The following FHIP2A variants were observed in gnomAD, a reference collection of about 807,000 sequenced individuals.
The protein encoded by FHIP2A is FHF complex subunit HOOK interacting protein 2A.
A neutral mutation model predicts 93.5 loss-of-function variants in FHIP2A; 46 were observed. The observed-to-expected ratio is 0.49, with a 90% CI of 0.39 to 0.63. FHIP2A has a LOEUF of 0.63. FHIP2A is among the 20% of genes least tolerant of loss of function. FHIP2A has a pLI of 0.00. For synonymous variants in FHIP2A, 332 were observed against 326.5 expected (o/e 1.02, Z -0.18); for missense variants, 769 against 909.7 (o/e 0.85, Z 1.99).
chr10:114,871,127 T>TTA (rs1555246784), intron 16 of FHIP2A, among the ~76,000 whole-genome samples: 91 of 148,200 alleles, frequency 6.1e-4, no homozygotes, highest in African/African-American at 1.8e-3. Context: ...TATATATATA[T>TTA]TATATATATA....
chr10:114,826,164 A>C (rs1190876505), intron 1 of FHIP2A, among the ~76,000 whole-genome samples: 2 of 152,226 alleles, frequency 1.3e-5, no homozygotes, highest in Non-Finnish European at 2.9e-5. Context: ...GTCACCACGA[A>C]AGCCTGGCTC....
At chr10:114,854,137 G>A (rs1418678529) in intron 13 of FHIP2A, among the ~76,000 whole-genome samples, 1 of 138,030 alleles carries the variant, frequency 7.2e-6, no homozygotes, top group African/African-American at 2.6e-5. Context: ...AAAGACCAGG[G>A]TTTTTTTTTT....
At chr10:114,822,268 C>T (rs1592009600) in intron 1 of FHIP2A, 145 bp downstream of exon 1, 1 of 283,552 alleles carries the variant, frequency 3.5e-6, no homozygotes, top group African/African-American at 2.3e-5. Flanking sequence ...GGCGGGCGCC[C>T]TGGGCGGCCG....
At chr10:114,853,609 A>T (rs571609750) in intron 13 of FHIP2A, among the ~76,000 whole-genome samples, 9 of 152,348 alleles carry the variant, frequency 5.9e-5, no homozygotes, top group Admixed American at 3.9e-4. Flanking sequence ...TTACAAATGC[A>T]GTTACAATTG....
chr10:114,829,214 A>T (rs2083594051), intron 1 of FHIP2A, among the ~76,000 whole-genome samples: 1 of 150,954 alleles, frequency 6.6e-6, no homozygotes. Context: ...TTATTAATTG[A>T]TCATATGCTA....
rs192181333 is a variant in FHIP2A at position 114,830,184 on chromosome 10, G to A, written c.46-668G>A. Among the ~76,000 whole-genome samples the A allele has an allele frequency of 3.4e-3, 514 of 151,392 alleles. 2 individuals carry two copies. The highest frequency in any genetic ancestry group is 3.9e-3 in the Non-Finnish European group (268 of 67,948). On this transcript the variant is annotated intron_variant, in intron 1 of 16. Coordinates refer to ENST00000369248, the MANE Select transcript of FHIP2A (RefSeq NM_020940.4). Reference sequence around the variant, plus strand: ...TGCATTTCAAAGTCCTAGGTACAAAGATTCCTGGCTATTAGTAATTTCATT... The same window carrying A: ...TGCATTTCAAAGTCCTAGGTACAAAAATTCCTGGCTATTAGTAATTTCATT...
chr10:114,862,008 CAA>C lies in FHIP2A; in HGVS notation c.*471_*472del. 3.1e-6 allele frequency: 3 copies of C among 971,594 alleles called. No individual in the cohort carries two copies. The highest frequency in any genetic ancestry group is 3.7e-6 in the Non-Finnish European group (3 of 817,290). The allele number at this position is 971,594 out of a possible 1,614,324, so 60.2% of individuals were successfully genotyped here. A position where few individuals can be genotyped will look rare whatever the true frequency, so the allele number is the denominator to read the frequency against. On this transcript the variant is annotated 3_prime_UTR_variant, in exon 17 of 17. Coordinates refer to ENST00000369248, the MANE Select transcript of FHIP2A (RefSeq NM_020940.4). Reference sequence around the variant, plus strand: ...TTTTAAGGTCAGAATTCTTATCAAACAAAATATGAAAACTGTAAATGAGAAAA... The same window carrying C: ...TTTTAAGGTCAGAATTCTTATCAAACAATATGAAAACTGTAAATGAGAAAA...
chr10:114,826,800 C>T (rs2083579260), intron 1 of FHIP2A, among the ~76,000 whole-genome samples: 1 of 152,140 alleles, frequency 6.6e-6, no homozygotes, highest in Non-Finnish European at 1.5e-5. Flanking sequence ...TCGAGACCAG[C>T]CTGACCAATA....
chr10:114,877,950 G>T (rs928564907), intron 16 of FHIP2A, among the ~76,000 whole-genome samples: 3 of 152,080 alleles, frequency 2.0e-5, no homozygotes, highest in African/African-American at 7.2e-5. Flanking sequence ...TTTTTTAAAG[G>T]GAAGAGAGAA....
chr10:114,897,401 C>T (rs1324459058), intron 16 of FHIP2A, among the ~76,000 whole-genome samples: 10 of 152,154 alleles, frequency 6.6e-5, no homozygotes, highest in African/African-American at 2.4e-4. Flanking sequence ...ACCCTTTCTG[C>T]AGAAAGTCAA....
intron 1 of FHIP2A, among the ~76,000 whole-genome samples, chr10:114,826,603 G>A (rs2083578149): frequency 6.6e-6 from 1 of 152,178 alleles, no homozygotes; most frequent in Admixed American, 6.5e-5. Context: ...AGTTGTTATA[G>A]AAGGCTCTCT....
rs200269179 is a variant in FHIP2A, at chr10:114,843,043, G to T, written c.633G>T (p.Glu211Asp). ...ATACAGGACAGTCCCGTCAACCAGA[G>T]GAACTATCTGGTGCTACTGGAATGG... ...STDTGQSRQP[E>D]ELSGATGMEQ... Residue 211 changes from glutamate to aspartate, a missense_variant, in exon 6 of 17, where the codon GAG (glutamate) becomes GAT (aspartate). Glu to Asp is a conservative substitution (Grantham distance 45). Coordinates refer to ENST00000369248, the MANE Select transcript of FHIP2A (RefSeq NM_020940.4). The T allele has an allele frequency of 5.0e-6, 8 of 1,613,706 alleles. No homozygotes were observed.
intron 6 of FHIP2A, 140 bp downstream of exon 6, chr10:114,843,366 T>A: frequency 1.9e-6 from 1 of 522,022 alleles, no homozygotes; most frequent in Non-Finnish European, 2.8e-6. Context: ...AGTACAGTGG[T>A]GCGATCTTGG....
Position 114,862,718 on chromosome 10 carries a change from T to C in FHIP2A, c.*1178T>C, listed in dbSNP as rs750043917. 1.6e-5 allele frequency: 16 copies of C among 985,486 alleles called. No individual in the cohort carries two copies. The highest frequency in any genetic ancestry group is 1.2e-4 in the African/African-American group (7 of 57,242). 61.0% of individuals were successfully genotyped at this position (985,486 alleles called of 1,614,324 possible). On this transcript the variant is annotated 3_prime_UTR_variant, in exon 17 of 17. Coordinates refer to ENST00000369248, the MANE Select transcript of FHIP2A (RefSeq NM_020940.4). ...CAAAATCGTGTTTGCCAGTCCACTT[T>C]CTATTTTTCCTTTAAGTGATGCTGA...
chr10:114,839,714 C>T (rs1253565576), intron 5 of FHIP2A, among the ~76,000 whole-genome samples: 1 of 151,658 alleles, frequency 6.6e-6, no homozygotes, highest in Non-Finnish European at 1.5e-5. Flanking sequence ...AACCCCTTCT[C>T]TACTAAAAAT....
intron 16 of FHIP2A, among the ~76,000 whole-genome samples, chr10:114,889,657 A>G (rs1023702711): frequency 2.6e-5 from 4 of 152,174 alleles, no homozygotes; most frequent in African/African-American, 9.7e-5. Context: ...CCCAACTCAG[A>G]CCATCTTCTC....
rs3086069 is a variant in FHIP2A at position 114,894,395 on chromosome 10, CAAAAA to C, written c.2193-5077_2193-5073del. Among the ~76,000 whole-genome samples, 9 of 109,242 alleles carry C rather than the reference CAAAAA, an allele frequency of 8.2e-5. No homozygotes were observed. The South Asian group carries it at 9.2e-4, about 11-fold the overall frequency. 71.7% of individuals were successfully genotyped at this position (109,242 alleles called of 152,430 possible). A position where few individuals can be genotyped will look rare whatever the true frequency, so the allele number is the denominator to read the frequency against. Reference sequence around the variant, plus strand: ...GCAACACAGCAAAACCCCATCTCTACAAAAAAAAAAAAAAAAAAAAAATTAGCCAG... The same window carrying C: ...GCAACACAGCAAAACCCCATCTCTACAAAAAAAAAAAAAAAAATTAGCCAG... On this transcript the variant is annotated intron_variant, in intron 16 of 16. Coordinates refer to the FHIP2A transcript ENST00000369250.
Position 114,846,215 on chromosome 10 carries a change from C to T in FHIP2A, c.1246C>T (p.Arg416Cys). The T allele has an allele frequency of 2.5e-6, 4 of 1,614,128 alleles. No homozygotes were observed. The highest frequency in any genetic ancestry group is 3.4e-6 in the Non-Finnish European group (4 of 1,180,014). ...GILTSTALLHRIVRQVTSDVL... is the reference protein window; with the variant it reads ...GILTSTALLHCIVRQVTSDVL... ...TCTCACATCCACTGCTCTGCTTCAT[C>T]GCATCGTTCGGCAAGTGACCTCTGA... The change falls in exon 10 of 17, where the codon CGC (arginine) becomes TGC (cysteine). Residue 416 changes from arginine (R) to cysteine (C), a missense_variant. Transcript: ENST00000369248.
intron 16 of FHIP2A, among the ~76,000 whole-genome samples, chr10:114,872,947 A>G (rs1178410912): frequency 6.6e-6 from 1 of 152,256 alleles, no homozygotes; most frequent in Non-Finnish European, 1.5e-5. Flanking sequence ...GTACTTCAAC[A>G]GAGGAAATTT....
Sources: gnomAD v4.1 joint callset for allele counts (sites outside exome capture counted in the v4.1 genomes callset) on GRCh38, gnomAD v4.1.1 for gene constraint, MANE v1.5 for transcripts, NCBI Gene and HGNC (gene_info 2026-07-23, HGNC 2026-07-21) for gene names.